WEE2: variants seen among roughly 807,000 people sequenced by gnomAD.
WEE2 encodes wee1-like protein kinase 2.
WEE2 carries 50 observed loss-of-function variants against 60.1 expected under a neutral mutation model. The ratio of observed to expected loss-of-function variants is 0.83; its 90% CI spans 0.66 to 1.05. The LOEUF is 1.05. Among genes scored for constraint, WEE2 ranks in the 50% least tolerant of loss-of-function variants. WEE2 has a pLI of 0.00. For synonymous variants in WEE2, 240 were observed against 241.0 expected (o/e 1.00, Z 0.04); for missense variants, 631 against 684.3 (o/e 0.92, Z 0.87).
Position 141,730,503 on chromosome 7 carries a change from T to C in WEE2, c.*183T>C. 1.7e-6 allele frequency: 1 copy of C among 575,564 alleles called. No homozygotes were observed. The highest frequency in any genetic ancestry group is 3.0e-5 in the East Asian group (1 of 33,824). 35.7% of individuals were successfully genotyped at this position (575,564 alleles called of 1,614,324 possible). Reference sequence around the variant, plus strand: ...CCACAGCGCTTCCCAGGTTATATGATGCTGTTCCTAAGAGAGAATTCCCAG... The same window carrying C: ...CCACAGCGCTTCCCAGGTTATATGACGCTGTTCCTAAGAGAGAATTCCCAG... On this transcript the variant is annotated 3_prime_UTR_variant, in exon 12 of 12. Transcript: ENST00000397541.
At chr7:141,725,319 A>G (rs748442837) in intron 9 of WEE2, 123 bp downstream of exon 9, 10 of 1,151,094 alleles carry the variant, frequency 8.7e-6, no homozygotes, top group East Asian at 2.6e-5. Context: ...GAACGTGACT[A>G]GAAGTCCAGA....
chr7:141,713,674 C>T (rs548891498), intron 1 of WEE2, among the ~76,000 whole-genome samples: 5 of 152,216 alleles, frequency 3.3e-5, no homozygotes, highest in South Asian at 2.1e-4. Flanking sequence ...GAAATCTTTT[C>T]CTTACAAGGT....
At chr7:141,725,950 G>C (rs1799010277) in intron 9 of WEE2, among the ~76,000 whole-genome samples, 1 of 152,140 alleles carries the variant, frequency 6.6e-6, no homozygotes, top group African/African-American at 2.4e-5. Flanking sequence ...CTAAAAGAAT[G>C]AATTTCTATT....
rs1445625042 is a variant in WEE2 at position 141,723,117 on chromosome 7, CTGT to C, written c.881-12_881-10del. On this transcript the variant is annotated splice_polypyrimidine_tract_variant and intron_variant, in intron 5 of 11. Coordinates refer to ENST00000397541, the MANE Select transcript of WEE2 (RefSeq NM_001105558.1). ...AAGACTCATACTGTGGGGCTGTTCT[CTGT>C]TGTTCTTTCCCAGGTGGGAGTTTGC... 3.7e-6 allele frequency: 6 copies of C among 1,613,920 alleles called. No homozygotes were observed. The highest frequency in any genetic ancestry group is 4.5e-5 in the East Asian group (2 of 44,880).
rs1237817247 is a variant in WEE2 at position 141,714,357 on chromosome 7, A to G, written c.491A>G (p.Lys164Arg). ...NINPFTPESYKKLFLQSGGKR... is the reference protein window; with the variant it reads ...NINPFTPESYRKLFLQSGGKR... ...AATCCCTTCACTCCAGAGTCCTATA[A>G]AAAATTATTTCTTCAATCTGGTGGC... The change falls in exon 2 of 12, where the codon AAA (lysine) becomes AGA (arginine). Residue 164 changes from lysine (K) to arginine (R), a missense_variant. Physicochemically the swap from Lys to Arg is conservative, Grantham distance 26. Transcript: ENST00000397541. 1 of 1,612,836 alleles carries G rather than the reference A, an allele frequency of 6.2e-7. No homozygotes were observed.
In WEE2 at chr7:141,714,372, A is replaced by T. The variant is rs775380647; in HGVS notation, c.506A>T (p.Gln169Leu). Residue 169 changes from glutamine (Q) to leucine (L), a missense_variant, in exon 2 of 12, where the codon CAA becomes CTA. Physicochemically the swap from Gln to Leu is moderately radical, Grantham distance 113. Coordinates refer to ENST00000397541, the MANE Select transcript of WEE2 (RefSeq NM_001105558.1). ...TPESYKKLFL[Q>L]SGGKRKIRGD... ...GAGTCCTATAAAAAATTATTTCTTCAATCTGGTGGCAAGAGGAAAATAAGA... is the reference window on the plus strand; with the variant it reads ...GAGTCCTATAAAAAATTATTTCTTCTATCTGGTGGCAAGAGGAAAATAAGA... 5.6e-6 allele frequency: 9 copies of T among 1,611,492 alleles called. No homozygotes were observed. The highest frequency in any genetic ancestry group is 7.6e-6 in the Non-Finnish European group (9 of 1,179,236).
intron 3 of WEE2, among the ~76,000 whole-genome samples, chr7:141,717,358 C>T (rs1798824110): frequency 6.6e-6 from 1 of 152,210 alleles, no homozygotes; most frequent in Non-Finnish European, 1.5e-5. Flanking sequence ...GCCACTGGCA[C>T]AGGTGTTCCT....
At position 141,709,111 on chromosome 7, in the gene WEE2, G is replaced by A; in HGVS notation, c.342+11G>A. ...CCCTCTACTCCCAAAGTAAGTAAGG[G>A]GTGGGGGAAAAAGGGACGCAGGTCG... On this transcript the variant is annotated intron_variant, in intron 1 of 11. Transcript: ENST00000397541. 1 of 1,606,796 alleles carries A rather than the reference G, an allele frequency of 6.2e-7. No homozygotes were observed. The highest frequency in any genetic ancestry group is 8.5e-7 in the Non-Finnish European group (1 of 1,175,880).
At chr7:141,714,148 A>G (rs1798754254) in intron 1 of WEE2, 61 bp from the exon 2 acceptor site, 2 of 1,363,052 alleles carry the variant, frequency 1.5e-6, no homozygotes, top group Middle Eastern at 3.8e-4. Flanking sequence ...TTAACTAGCT[A>G]ACTGATAAGG....
At chr7:141,721,263 T>C (rs1003208547) in intron 5 of WEE2, among the ~76,000 whole-genome samples, 1 of 152,192 alleles carries the variant, frequency 6.6e-6, no homozygotes, top group African/African-American at 2.4e-5. Context: ...TTCCCTTCTG[T>C]TGTCAGGATA....
intron 6 of WEE2, 107 bp downstream of exon 6, chr7:141,723,387 G>A: frequency 1.7e-6 from 2 of 1,211,472 alleles, no homozygotes; most frequent in Non-Finnish European, 2.3e-6. Flanking sequence ...GTGTTTGCTG[G>A]CAGAACCCCT....
rs1448685509 is a variant in WEE2 at position 141,730,427 on chromosome 7, G to A, written c.*107G>A. On this transcript the variant is annotated 3_prime_UTR_variant, in exon 12 of 12. Transcript: ENST00000397541. ...GACTCGTTGTACATAGAAAGGAATA[G>A]AATTTAGTTTAGAGTTGAAGTCACA... 1 of 1,067,448 alleles carries A rather than the reference G, an allele frequency of 9.4e-7. No homozygotes were observed. The highest frequency in any genetic ancestry group is 1.4e-6 in the Non-Finnish European group (1 of 715,856). 66.1% of individuals were successfully genotyped at this position (1,067,448 alleles called of 1,614,324 possible).
chr7:141,724,015 TG>T lies in WEE2; in HGVS notation c.1104del (p.Trp368CysfsTer7). 6.2e-7 allele frequency: 1 copy of T among 1,613,642 alleles called. No individual in the cohort carries two copies. The highest frequency in any genetic ancestry group is 1.1e-5 in the South Asian group (1 of 90,970). Reference protein sequence around the residue: ...VIEEVENEADWFLSANVMYKI... With the variant: ...VIEEVENEADXFLSANVMYKI... ...AGAAGAAGTTGAAAATGAAGCTGAT[TG>T]GTTTCTCTCTGCCAATGTGATGTAT... On this transcript the variant is annotated frameshift_variant, in exon 7 of 12. Transcript: ENST00000397541. LOFTEE classifies it high-confidence loss of function.
At position 141,714,228 on chromosome 7, in the gene WEE2, T is replaced by G. The variant is rs765839357; in HGVS notation, c.362T>G (p.Val121Gly). 4 of 1,612,026 alleles carry G rather than the reference T, an allele frequency of 2.5e-6. No homozygotes were observed. The highest frequency in any genetic ancestry group is 3.4e-6 in the Non-Finnish European group (4 of 1,179,274). ...STPKTMLSRLVISPTGKLPSR... is the reference protein window; with the variant it reads ...STPKTMLSRLGISPTGKLPSR... The stretch of plus-strand genomic sequence containing the variant: ...ATTCAGACCATGCTGAGCCGGTTGG[T>G]GATTTCTCCAACAGGGAAGCTTCCT... Residue 121 changes from valine (V) to glycine (G), a missense_variant, in exon 2 of 12, where the codon GTG (valine) becomes GGG (glycine). Val to Gly is a moderately radical substitution (Grantham distance 109, BLOSUM62 -3). Transcript: ENST00000397541.
rs755935532 is a variant in WEE2 at position 141,723,348 on chromosome 7, G to A, written c.1027+68G>A. On this transcript the variant is annotated intron_variant, in intron 6 of 11. Transcript: ENST00000397541. ...TTTCTATGCTATCATCAAAATCTAGGTCTGTATGTCTATCAAGTGTCAAGG... is the reference window on the plus strand; with the variant it reads ...TTTCTATGCTATCATCAAAATCTAGATCTGTATGTCTATCAAGTGTCAAGG... The A allele has an allele frequency of 3.3e-6, 5 of 1,522,558 alleles. No homozygotes were observed. In the East Asian group the frequency reaches 6.8e-5, roughly 21 times the overall value. The allele number at this position is 1,522,558 out of a possible 1,614,324, so 94.3% of individuals were successfully genotyped here.
chr7:141,727,235 G>A, intron 9 of WEE2, 69 bp from the exon 10 acceptor site: 1 of 1,539,056 alleles, frequency 6.5e-7, no homozygotes. Flanking sequence ...GGTTGGAGTT[G>A]GCTTGAATGG....
chr7:141,718,991 T>G, intron 3 of WEE2, 81 bp from the exon 4 acceptor site: 1 of 1,406,746 alleles, frequency 7.1e-7, no homozygotes, highest in Non-Finnish European at 9.7e-7. Flanking sequence ...TTGGAGCAAC[T>G]TAGGACTGTA....
chr7:141,716,226 G>C lies in WEE2; in HGVS notation c.544G>C (p.Glu182Gln), dbSNP rs1177880801. The C allele has an allele frequency of 6.8e-6, 11 of 1,611,244 alleles. No individual in the cohort carries two copies. Among genetic ancestry groups the C allele is most frequent in the Admixed American group, 5.0e-5 (3 of 59,826 alleles). ...ACTTTTTTTTTCTTTTTTAAGTGAG[G>C]AAGCTGGTCCAGAGGAAGGCAAGGG... ...GKRKIRGDLEEAGPEEGKGGL... is the reference protein window; with the variant it reads ...GKRKIRGDLEQAGPEEGKGGL... The change falls in exon 3 of 12, where the codon GAA (glutamate) becomes CAA (glutamine). Residue 182 changes from glutamate (E) to glutamine (Q), a missense_variant. Physicochemically the swap from Glu to Gln is conservative, Grantham distance 29. Coordinates refer to ENST00000397541, the MANE Select transcript of WEE2 (RefSeq NM_001105558.1).
intron 1 of WEE2, among the ~76,000 whole-genome samples, chr7:141,709,452 A>G (rs950360104): frequency 6.6e-6 from 1 of 152,214 alleles, no homozygotes; most frequent in Non-Finnish European, 1.5e-5. Context: ...TGAAGGGCCC[A>G]AGACAGAAAC....
Sources: gnomAD v4.1 joint callset for allele counts (sites outside exome capture counted in the v4.1 genomes callset) on GRCh38, gnomAD v4.1.1 for gene constraint, MANE v1.5 for transcripts, NCBI Gene and HGNC (gene_info 2026-07-23, HGNC 2026-07-21) for gene names.